Variants in EPB41L3 observed in about 807,000 individuals in gnomAD.
EPB41L3 encodes band 4.1-like protein 3.
EPB41L3 carries 57 observed loss-of-function variants against 127.1 expected under a neutral mutation model. That is an observed-to-expected ratio of 0.45 (90% confidence interval 0.36 to 0.56). The LOEUF is 0.56. EPB41L3 is among the 20% of genes least tolerant of loss of function. EPB41L3 has a pLI of 0.00. For missense variants in EPB41L3, 1,273 were observed against 1,372.2 expected, an observed-to-expected ratio of 0.93 and a Z score of 1.14; for synonymous variants, 572 against 549.5, an observed-to-expected ratio of 1.04 and a Z score of -0.57.
intron 1 of EPB41L3, among the ~76,000 whole-genome samples, chr18:5,515,299 A>G (rs1002191720): frequency 2.8e-4 from 42 of 152,224 alleles, no homozygotes. Context: ...GTCTTCTTCA[A>G]GATGGTGTTG....
chr18:5,579,903 G>A (rs532114301), intron 3 of EPB41L3, among the ~76,000 whole-genome samples: 1 of 152,164 alleles, frequency 6.6e-6, no homozygotes, highest in Admixed American at 6.5e-5. Context: ...TGATGATCAC[G>A]AAGACTGACA....
At chr18:5,540,676 G>A (rs993270410) in intron 1 of EPB41L3, 6 of 442,416 alleles carry the variant, frequency 1.4e-5, no homozygotes, top group Non-Finnish European at 1.8e-5. Context: ...CTGAAGTGGT[G>A]CTAAAGATAA....
chr18:5,499,829 GTATA>G (rs35194563), intron 1 of EPB41L3, among the ~76,000 whole-genome samples: 5 of 124,618 alleles, frequency 4.0e-5, no homozygotes. Flanking sequence ...CTATGTGTGT[GTATA>G]TATATATATA....
intron 3 of EPB41L3, among the ~76,000 whole-genome samples, chr18:5,462,486 T>C (rs2084196345): frequency 1.3e-5 from 2 of 152,176 alleles, no homozygotes; most frequent in South Asian, 4.1e-4. Context: ...CAGGATGCTT[T>C]TCTACGCACT....
intron 1 of EPB41L3, among the ~76,000 whole-genome samples, chr18:5,527,432 C>T (rs953048695): frequency 2.6e-5 from 4 of 151,122 alleles, no homozygotes; most frequent in African/African-American, 7.3e-5. Flanking sequence ...CTCATAAATT[C>T]GTGGGATTTT....
At chr18:5,496,122 T>C (rs1191036638) in intron 1 of EPB41L3, among the ~76,000 whole-genome samples, 1 of 152,222 alleles carries the variant, frequency 6.6e-6, no homozygotes. Context: ...CTTAATAGAT[T>C]GGGAAAATCT....
At chr18:5,447,144 C>T (rs183528363) in intron 3 of EPB41L3, among the ~76,000 whole-genome samples, 1 of 152,248 alleles carries the variant, frequency 6.6e-6, no homozygotes, top group Admixed American at 6.5e-5. Flanking sequence ...ATGTCCCTTG[C>T]AGCTATGTAA....
intron 1 of EPB41L3, among the ~76,000 whole-genome samples, chr18:5,615,887 C>T (rs2094788979): frequency 6.6e-6 from 1 of 152,162 alleles, no homozygotes; most frequent in South Asian, 2.1e-4. Context: ...TCCCACCTTT[C>T]ACAGGCCTGA....
intron 3 of EPB41L3, among the ~76,000 whole-genome samples, chr18:5,468,521 T>G (rs960874901): frequency 6.6e-6 from 1 of 152,290 alleles, no homozygotes; most frequent in African/African-American, 2.4e-5. Flanking sequence ...GATGACCTGC[T>G]AGGGGACAGG....
chr18:5,455,189 T>C (rs1405781062), intron 3 of EPB41L3, among the ~76,000 whole-genome samples: 2 of 152,198 alleles, frequency 1.3e-5, no homozygotes, highest in African/African-American at 4.8e-5. Context: ...GCCTGATAAA[T>C]TTAAGGTTTC....
At chr18:5,420,696 A>C (rs531377985) in intron 11 of EPB41L3, among the ~76,000 whole-genome samples, 1 of 152,342 alleles carries the variant, frequency 6.6e-6, no homozygotes, top group African/African-American at 2.4e-5. Flanking sequence ...TCTTAGTGAA[A>C]AGATGCTTAA....
chr18:5,520,463 G>A (rs1054241383), intron 1 of EPB41L3, among the ~76,000 whole-genome samples: 3 of 151,532 alleles, frequency 2.0e-5, no homozygotes, highest in African/African-American at 7.3e-5. Flanking sequence ...CTATTATTTG[G>A]GAGAACACAA....
At chr18:5,542,595 G>A (rs561103955) in intron 1 of EPB41L3, among the ~76,000 whole-genome samples, 1 of 152,024 alleles carries the variant, frequency 6.6e-6, no homozygotes. Flanking sequence ...AGGACTGCCC[G>A]GCCCTCTCAG....
At chr18:5,398,360 T>A in intron 16 of EPB41L3, 1 of 588,298 alleles carries the variant, frequency 1.7e-6, no homozygotes. Context: ...AGGATCAGGG[T>A]GGCGCCGATT....
intron 1 of EPB41L3, among the ~76,000 whole-genome samples, chr18:5,538,995 ATTTTTTTT>A (rs757227800): frequency 1.6e-4 from 19 of 115,198 alleles, no homozygotes; most frequent in East Asian, 4.9e-4. Context: ...TTTCTCCAAG[ATTTTTTTT>A]TTTTTTTTTT....
chr18:5,586,341 A>G (rs2094441292), intron 3 of EPB41L3, among the ~76,000 whole-genome samples: 1 of 152,122 alleles, frequency 6.6e-6, no homozygotes, highest in Non-Finnish European at 1.5e-5. Flanking sequence ...TATTATAAGT[A>G]AATAGTCTAA....
In EPB41L3 at chr18:5,399,271, G is replaced by C. The variant is rs562654825; in HGVS notation, c.2350-1128C>G. On this transcript the variant is annotated intron_variant, in intron 16 of 22. Coordinates refer to ENST00000341928, the MANE Select transcript of EPB41L3 (RefSeq NM_012307.5). ...GTGCCAGATTTTAACATGTCAGCTG[G>C]GAGATCACCAGTTTTACTGCTCACG... is the stretch of plus-strand genomic sequence containing the variant. 2.0e-5 allele frequency: 8 copies of C among 399,030 alleles called. No homozygotes were observed. In the South Asian group the frequency reaches 1.0e-3, roughly 51 times the overall value. 24.7% of individuals were successfully genotyped at this position (399,030 alleles called of 1,614,324 possible).
At position 5,613,911 on chromosome 18, in the gene EPB41L3, C is replaced by T. The variant is rs963729961; in HGVS notation, c.-395+440G>A. On this transcript the variant is annotated intron_variant, in intron 2 of 21. Transcript: ENST00000545076. ...GTGAATTAAAAATAAATATCAAAAA[C>T]GTTCTCAGTTGTAATTTCTGAGGCA... Among the ~76,000 whole-genome samples the T allele has an allele frequency of 2.6e-5, 4 of 152,104 alleles. No individual in the cohort carries two copies. The East Asian group carries it at 5.8e-4, about 22-fold the overall frequency.
intron 3 of EPB41L3, among the ~76,000 whole-genome samples, chr18:5,582,855 T>G (rs543224452): frequency 1.3e-3 from 201 of 152,294 alleles, no homozygotes; most frequent in African/African-American, 4.8e-3. Context: ...CAGTGCAAAC[T>G]TAAGAAGCTG....
Sources: allele counts gnomAD v4.1 joint callset (sites outside exome capture counted in the v4.1 genomes callset), GRCh38; gene constraint gnomAD v4.1.1; transcripts MANE v1.5; gene names NCBI Gene and HGNC (gene_info 2026-07-23, HGNC 2026-07-21).